Variants in USH2A observed in about 807,000 individuals in gnomAD.
USH2A encodes Usher syndrome 2A (autosomal recessive, mild).
A neutral mutation model predicts 538.9 loss-of-function variants in USH2A; 443 were observed. That is an observed-to-expected ratio of 0.82 (90% CI 0.76 to 0.89). The LOEUF (loss-of-function observed/expected upper bound fraction) is 0.89, where lower values mean the gene tolerates loss of function less well. Among genes scored for constraint, USH2A ranks in the 40% least tolerant of loss-of-function variants. The pLI, the probability that USH2A is intolerant of heterozygous loss-of-function variation, is 0.00. For missense variants in USH2A, 6,633 were observed against 6,324.8 expected (o/e 1.05, Z -1.65); for synonymous variants, 2,413 against 2,273.5 (o/e 1.06, Z -1.75).
At position 215,860,395 on chromosome 1, in the gene USH2A, G is replaced by A. The variant is rs531082547; in HGVS notation, c.8845+6612C>T. 4.0e-5 allele frequency among the ~76,000 whole-genome samples: 6 copies of A among 150,006 alleles called. No homozygotes were observed. In the East Asian group the frequency reaches 9.8e-4, roughly 25 times the overall value. ...ACCCCCTGCAAGCTAAGAATGGTTT[G>A]TACATTTATTTGATTGGGGGAAAAA... On this transcript the variant is annotated intron_variant, in intron 44 of 71. Transcript: ENST00000307340.
At chr1:216,272,221 T>A (rs890833849) in intron 11 of USH2A, among the ~76,000 whole-genome samples, 1 of 152,146 alleles carries the variant, frequency 6.6e-6, no homozygotes, top group Non-Finnish European at 1.5e-5. Context: ...TTGTTGGTTT[T>A]GTGTTCATTT....
rs117088238 is a variant in USH2A at position 216,154,583 on chromosome 1, G to A, written c.4627+20669C>T. On this transcript the variant is annotated intron_variant, in intron 21 of 71. Coordinates refer to ENST00000307340, the MANE Select transcript of USH2A (RefSeq NM_206933.4). ...CACATCTGTTTAAATGGTTCAGTTC[G>A]ATATGTTTTGACAGATGTACACACT... Among the ~76,000 whole-genome samples the A allele has an allele frequency of 2.8e-3, 426 of 152,146 alleles. 9 individuals are homozygous for A. Among genetic ancestry groups the A allele is most frequent in the East Asian group, 0.022 (116 of 5,170 alleles).
At chr1:215,831,002 T>C (rs543069857) in intron 47 of USH2A, among the ~76,000 whole-genome samples, 7 of 152,236 alleles carry the variant, frequency 4.6e-5, no homozygotes, top group South Asian at 2.1e-4. Context: ...ATATTCAAAA[T>C]GTGAAGGAAT....
At chr1:215,922,520 T>C (rs563709196) in intron 38 of USH2A, among the ~76,000 whole-genome samples, 8 of 152,164 alleles carry the variant, frequency 5.3e-5, no homozygotes, top group African/African-American at 1.9e-4. Context: ...AATATGAATA[T>C]GGAATAAAGT....
chr1:216,337,075 G>T (rs760791601), intron 4 of USH2A, among the ~76,000 whole-genome samples: 4 of 151,354 alleles, frequency 2.6e-5, no homozygotes, highest in Non-Finnish European at 3.0e-5. Flanking sequence ...TTACAACAAA[G>T]AAATGTCCAG....
chr1:215,900,701 T>C, intron 39 of USH2A, 54 bp downstream of exon 39: 1 of 1,611,704 alleles, frequency 6.2e-7, no homozygotes, highest in Non-Finnish European at 8.5e-7. Context: ...TTCAAAAATG[T>C]TATGTCTATA....
In USH2A at chr1:215,674,561, T is replaced by C. The variant is rs1558048029; in HGVS notation, c.13350A>G (p.Pro4450=). ...ATTCTGAGCCTGTGACTTGCAATGT[T>C]GGAGAGTCCATGTTCTCTGGCAGGG... ...MEALPENMDS[P]TLQVTGSESI... The change falls in exon 63 of 72, where the codon CCA becomes CCG. Residue 4450 remains proline, a synonymous_variant. Transcript: ENST00000307340. The C allele has an allele frequency of 6.2e-6, 10 of 1,614,034 alleles. No individual in the cohort carries two copies. The highest frequency in any genetic ancestry group is 8.5e-6 in the Non-Finnish European group (10 of 1,180,030).
chr1:216,057,772 T>C (rs2031030064), intron 30 of USH2A, among the ~76,000 whole-genome samples: 1 of 152,188 alleles, frequency 6.6e-6, no homozygotes, highest in Non-Finnish European at 1.5e-5. Context: ...TTATCTTTAA[T>C]AACACCAACA....
At chr1:215,721,143 C>T (rs1026800748) in intron 61 of USH2A, among the ~76,000 whole-genome samples, 2 of 152,054 alleles carry the variant, frequency 1.3e-5, no homozygotes, top group Non-Finnish European at 2.9e-5. Flanking sequence ...GGTGCAATCT[C>T]GGCTCTCTGC....
rs1383447530 is a variant in USH2A at position 215,879,116 on chromosome 1, C to T, written c.8224-18G>A. On this transcript the variant is annotated intron_variant, in intron 41 of 71. Coordinates refer to ENST00000307340, the MANE Select transcript of USH2A (RefSeq NM_206933.4). ...CAAGTGACCTGAAATGAAAGATAAA[C>T]TTAGAATCAGTGTGACGATACAGGA... 6.2e-7 allele frequency: 1 copy of T among 1,604,374 alleles called. No homozygotes were observed. The highest frequency in any genetic ancestry group is 2.2e-5 in the East Asian group (1 of 44,808).
intron 34 of USH2A, among the ~76,000 whole-genome samples, chr1:215,995,282 T>C (rs572011642): frequency 6.6e-6 from 1 of 152,328 alleles, no homozygotes; most frequent in Non-Finnish European, 1.5e-5. Flanking sequence ...CATAAACCAG[T>C]AACTTGACAA....
At chr1:215,645,093 A>G (rs1656804384) in intron 67 of USH2A, among the ~76,000 whole-genome samples, 1 of 152,174 alleles carries the variant, frequency 6.6e-6, no homozygotes, top group Admixed American at 6.5e-5. Flanking sequence ...TGGGAAGTGG[A>G]GCAAATTACT....
intron 21 of USH2A, among the ~76,000 whole-genome samples, chr1:216,128,511 C>A (rs896982058): frequency 1.3e-4 from 19 of 151,994 alleles, no homozygotes; most frequent in Admixed American, 2.6e-4. Context: ...CATTTAAAAC[C>A]AAATTAAATG....
intron 43 of USH2A, among the ~76,000 whole-genome samples, chr1:215,875,872 A>T (rs922864400): frequency 1.4e-5 from 2 of 143,614 alleles, no homozygotes; most frequent in East Asian, 3.9e-4. Flanking sequence ...TATATTAATT[A>T]TATATATTAT....
chr1:216,259,132 C>T (rs2036316174), intron 11 of USH2A, among the ~76,000 whole-genome samples: 1 of 152,102 alleles, frequency 6.6e-6, no homozygotes, highest in Admixed American at 6.6e-5. Context: ...TCAATCCCCT[C>T]ATCAGCACTA....
rs1320748695 is a variant in USH2A at position 216,422,122 on chromosome 1, G to C, written c.215C>G (p.Ala72Gly). ...GGTACAGAACTGAATACTTTCAGCAGCAGCAGAGCTGTGACAAAAAGTGCT... is the reference window on the plus strand; with the variant it reads ...GGTACAGAACTGAATACTTTCAGCACCAGCAGAGCTGTGACAAAAAGTGCT... ...DRSTFCHSSAAAESIQFCTQR... is the reference protein window; with the variant it reads ...DRSTFCHSSAGAESIQFCTQR... The change falls in exon 2 of 72, where the codon GCT (alanine) becomes GGT (glycine). Residue 72 changes from alanine (A) to glycine (G), a missense_variant. Physicochemically the swap from Ala to Gly is moderately conservative, Grantham distance 60. Coordinates refer to ENST00000307340, the MANE Select transcript of USH2A (RefSeq NM_206933.4). The C allele has an allele frequency of 1.9e-6, 3 of 1,613,710 alleles. No individual in the cohort carries two copies. In the African/African-American group the frequency reaches 4.0e-5, roughly 22 times the overall value.
intron 60 of USH2A, among the ~76,000 whole-genome samples, chr1:215,731,013 A>G (rs902713609): frequency 6.6e-6 from 1 of 152,238 alleles, no homozygotes; most frequent in Admixed American, 6.5e-5. Context: ...AAACAAACCT[A>G]TGATGGTCTA....
Position 215,675,321 on chromosome 1 carries a change from C to T in USH2A, c.12590G>A (p.Gly4197Glu), listed in dbSNP as rs192940286. 5.0e-6 allele frequency: 8 copies of T among 1,614,088 alleles called. No individual in the cohort carries two copies. In the Admixed American group the frequency reaches 1.0e-4, roughly 20 times the overall value. Reference sequence around the variant, plus strand: ...GATTGTCTGATTTCCCCAAGCTTTTCCCTCGAAGCATCTGCGAATCACTTC... The same window carrying T: ...GATTGTCTGATTTCCCCAAGCTTTTTCCTCGAAGCATCTGCGAATCACTTC... The part of the protein sequence containing the change: ...RYEVIRRCFE[G>E]KAWGNQTIQA... The change falls in exon 63 of 72, where the codon GGA becomes GAA. Residue 4197 changes from glycine to glutamate, a missense_variant. Physicochemically the swap from Gly to Glu is moderately conservative, Grantham distance 98 (BLOSUM62 -2). Coordinates refer to ENST00000307340, the MANE Select transcript of USH2A (RefSeq NM_206933.4).
Position 216,104,219 on chromosome 1 carries a change from C to T in USH2A, c.4628-7006G>A, listed in dbSNP as rs956933105. ...CTCCAAATGCTTTCCCTCCCTCCTCCCCCCACCCCACAACAGGCCCTGGTG... is the reference window on the plus strand; with the variant it reads ...CTCCAAATGCTTTCCCTCCCTCCTCTCCCCACCCCACAACAGGCCCTGGTG... On this transcript the variant is annotated intron_variant, in intron 21 of 71. Coordinates refer to ENST00000307340, the MANE Select transcript of USH2A (RefSeq NM_206933.4). 2.4e-4 allele frequency among the ~76,000 whole-genome samples: 37 copies of T among 151,882 alleles called. No homozygotes were observed. In the Middle Eastern group the frequency reaches 0.014, roughly 56 times the overall value.
Sources: gnomAD v4.1 joint callset for allele counts (sites outside exome capture counted in the v4.1 genomes callset) on GRCh38, gnomAD v4.1.1 for gene constraint, MANE v1.5 for transcripts, NCBI Gene and HGNC (gene_info 2026-07-23, HGNC 2026-07-21) for gene names.